The following GFOD1 variants were observed in gnomAD, a reference collection of about 807,000 sequenced individuals.
GFOD1 encodes the protein Gfo/Idh/MocA-like oxidoreductase domain containing 1, also known as glucose-fructose oxidoreductase domain-containing protein 1.
GFOD1 carries 9 observed loss-of-function variants against 25.4 expected under a neutral mutation model. The ratio of observed to expected loss-of-function variants is 0.35; its 90% CI spans 0.21 to 0.62. The LOEUF is 0.62. GFOD1 is among the 20% of genes least tolerant of loss of function. The probability of loss-of-function intolerance (pLI) is 0.72; values close to 1 mark genes in which losing one functional copy is unlikely to be tolerated. For synonymous variants in GFOD1, 253 were observed against 245.6 expected (o/e 1.03, Z -0.28); for missense variants, 403 against 556.9 (o/e 0.72, Z 2.78).
At chr6:13,392,718 G>C (rs1456197984) in intron 1 of GFOD1, among the ~76,000 whole-genome samples, 1 of 152,022 alleles carries the variant, frequency 6.6e-6, no homozygotes, top group African/African-American at 2.4e-5. Flanking sequence ...AGATGAGCCA[G>C]GTAGGTAGAA....
At chr6:13,449,385 A>G (rs1758057693) in intron 1 of GFOD1, among the ~76,000 whole-genome samples, 1 of 152,214 alleles carries the variant, frequency 6.6e-6, no homozygotes, top group South Asian at 2.1e-4. Flanking sequence ...CTCCTTAGTT[A>G]CAGACCCACA....
chr6:13,437,695 T>A (rs1757855052), intron 1 of GFOD1, among the ~76,000 whole-genome samples: 1 of 152,202 alleles, frequency 6.6e-6, no homozygotes, highest in South Asian at 2.1e-4. Context: ...AACAGATGGA[T>A]GTGTATAGAT....
intron 1 of GFOD1, among the ~76,000 whole-genome samples, chr6:13,445,672 G>A (rs1391325817): frequency 6.6e-6 from 1 of 152,196 alleles, no homozygotes; most frequent in Non-Finnish European, 1.5e-5. Flanking sequence ...CAAAAGAAAG[G>A]CAACATTTTT....
chr6:13,473,341 C>T (rs1206043022), intron 1 of GFOD1, among the ~76,000 whole-genome samples: 2 of 152,170 alleles, frequency 1.3e-5, no homozygotes, highest in Admixed American at 6.5e-5. Context: ...CATAGCATGC[C>T]CCTGACTCCA....
intron 1 of GFOD1, among the ~76,000 whole-genome samples, chr6:13,407,447 G>A (rs1785967605): frequency 6.6e-6 from 1 of 152,016 alleles, no homozygotes; most frequent in Non-Finnish European, 1.5e-5. Flanking sequence ...GCCTTTCTTT[G>A]TCCCCATTTT....
chr6:13,367,943 A>G (rs1164750581), intron 1 of GFOD1, among the ~76,000 whole-genome samples: 1 of 152,144 alleles, frequency 6.6e-6, no homozygotes, highest in African/African-American at 2.4e-5. Flanking sequence ...AGAGACCCCA[A>G]GAGAAATGGG....
At chr6:13,402,626 G>A (rs1785868974) in intron 1 of GFOD1, among the ~76,000 whole-genome samples, 1 of 152,142 alleles carries the variant, frequency 6.6e-6, no homozygotes, top group Non-Finnish European at 1.5e-5. Flanking sequence ...ACCACAATAA[G>A]ATGCTACTTT....
chr6:13,425,589 C>T (rs940421690), intron 1 of GFOD1, among the ~76,000 whole-genome samples: 8 of 152,182 alleles, frequency 5.3e-5, no homozygotes, highest in African/African-American at 1.9e-4. Flanking sequence ...AATTGGCAGT[C>T]CTCATTCAGA....
At chr6:13,466,138 C>T (rs762137912) in intron 1 of GFOD1, among the ~76,000 whole-genome samples, 2 of 152,174 alleles carry the variant, frequency 1.3e-5, no homozygotes, top group Admixed American at 6.5e-5. Context: ...AGGCAAGTCT[C>T]CACTGGCTCC....
intron 1 of GFOD1, among the ~76,000 whole-genome samples, chr6:13,445,188 G>T (rs1354433560): frequency 1.3e-5 from 2 of 152,216 alleles, no homozygotes; most frequent in Non-Finnish European, 2.9e-5. Flanking sequence ...TAGCATTCCG[G>T]TGAAGGTATC....
chr6:13,476,644 C>T (rs1486481014), intron 1 of GFOD1, among the ~76,000 whole-genome samples: 1 of 152,154 alleles, frequency 6.6e-6, no homozygotes, highest in Non-Finnish European at 1.5e-5. Context: ...AAACCAACTT[C>T]ATTGGAGCTT....
rs1231226994 is a variant in GFOD1 at position 13,365,217 on chromosome 6, G to A, written c.699C>T (p.Cys233=). The change falls in exon 2 of 2, where the codon TGC becomes TGT. Residue 233 remains cysteine, a synonymous_variant. Coordinates refer to ENST00000379287, the MANE Select transcript of GFOD1 (RefSeq NM_018988.4). The surrounding 1 kb of genome is among the most constrained non-coding windows in gnomAD (Gnocchi z 9.2). ...GCACGTTGAAGTTGAGGGTGACGGTGCAGCACACCCCGCCCTCCAGCACCA... is the reference window on the plus strand; with the variant it reads ...GCACGTTGAAGTTGAGGGTGACGGTACAGCACACCCCGCCCTCCAGCACCA... ...FQMVLEGGVC[C]TVTLNFNVPG... 6.2e-7 allele frequency: 1 copy of A among 1,614,104 alleles called. No individual in the cohort carries two copies.
intron 1 of GFOD1, among the ~76,000 whole-genome samples, chr6:13,446,225 A>G (rs936864013): frequency 1.3e-5 from 2 of 152,222 alleles, no homozygotes; most frequent in Non-Finnish European, 2.9e-5. Flanking sequence ...AAATAGCCAC[A>G]TCATTAAATG....
intron 1 of GFOD1, among the ~76,000 whole-genome samples, chr6:13,383,558 A>G (rs1785406655): frequency 6.6e-6 from 1 of 152,210 alleles, no homozygotes; most frequent in Non-Finnish European, 1.5e-5. Context: ...TGGGTGGCAG[A>G]GTTCTATCTG....
intron 1 of GFOD1, among the ~76,000 whole-genome samples, chr6:13,414,694 G>C (rs553714329): frequency 2.0e-5 from 3 of 152,312 alleles, no homozygotes; most frequent in Admixed American, 6.5e-5. Flanking sequence ...TGTAGGAAAT[G>C]CTTGATAAAT....
At chr6:13,437,385 A>G (rs1249441144) in intron 1 of GFOD1, among the ~76,000 whole-genome samples, 3 of 152,188 alleles carry the variant, frequency 2.0e-5, no homozygotes, top group Non-Finnish European at 4.4e-5. Context: ...ACTCCCTCAC[A>G]TGCAGCCAAT....
At chr6:13,477,925 G>A (rs928943315) in intron 1 of GFOD1, among the ~76,000 whole-genome samples, 2 of 151,954 alleles carry the variant, frequency 1.3e-5, no homozygotes, top group African/African-American at 2.4e-5. Context: ...TTAGCCAGGC[G>A]TGGTCGCAAA....
At chr6:13,370,123 G>A (rs1161105708) in intron 1 of GFOD1, among the ~76,000 whole-genome samples, 2 of 152,216 alleles carry the variant, frequency 1.3e-5, no homozygotes, top group Non-Finnish European at 2.9e-5. Context: ...CAGCTCTCAT[G>A]GGCCCATCCC....
intron 1 of GFOD1, among the ~76,000 whole-genome samples, chr6:13,374,273 T>TTTGTGTG (rs1554199406): frequency 5.2e-5 from 7 of 134,384 alleles, no homozygotes; most frequent in African/African-American, 2.0e-4. Flanking sequence ...TGTTTTTTTT[T>TTTGTGTG]TGTGTGTGTG....
Sources: allele counts gnomAD v4.1 joint callset (sites outside exome capture counted in the v4.1 genomes callset), GRCh38; gene constraint gnomAD v4.1.1; non-coding constraint Gnocchi (gnomAD v3.1); transcripts MANE v1.5; gene names NCBI Gene and HGNC (gene_info 2026-07-23, HGNC 2026-07-21).